BSN: variants seen among roughly 807,000 people sequenced by gnomAD.
BSN encodes protein bassoon.
BSN carries 57 observed loss-of-function variants against 264.8 expected under a neutral mutation model. That is an observed-to-expected ratio of 0.22 (90% CI 0.17 to 0.27). BSN has a LOEUF of 0.27. BSN is among the 10% of genes least tolerant of loss of function. The probability of loss-of-function intolerance (pLI) is 1.00; values close to 1 mark genes in which losing one functional copy is unlikely to be tolerated. For synonymous variants in BSN, 2,059 were observed against 2,137.3 expected (o/e 0.96, Z 1.01); for missense variants, 4,615 against 5,232.5 (o/e 0.88, Z 3.64).
chr3:49,602,249 C>G (rs2052077637), intron 1 of BSN, among the ~76,000 whole-genome samples: 1 of 152,200 alleles, frequency 6.6e-6, no homozygotes, highest in Non-Finnish European at 1.5e-5. Flanking sequence ...ATGCTCTCCT[C>G]TGTGTCCCTG....
intron 1 of BSN, among the ~76,000 whole-genome samples, chr3:49,582,446 A>G (rs1185659376): frequency 1.3e-5 from 2 of 152,176 alleles, no homozygotes; most frequent in Non-Finnish European, 2.9e-5. Context: ...AGGAACTGGA[A>G]CTACAGGCCC....
intron 1 of BSN, among the ~76,000 whole-genome samples, chr3:49,599,988 C>T (rs190092721): frequency 6.6e-6 from 1 of 152,288 alleles, no homozygotes; most frequent in Non-Finnish European, 1.5e-5. Context: ...AGGCCCTGGC[C>T]TGCTTCTGGG....
chr3:49,614,102 C>T (rs1435148801), intron 1 of BSN, among the ~76,000 whole-genome samples: 2 of 148,484 alleles, frequency 1.3e-5, no homozygotes, highest in Non-Finnish European at 3.0e-5. Context: ...CTCTGTCGCC[C>T]AGGCCAGAGT....
chr3:49,614,093 T>C (rs1488302553), intron 1 of BSN, among the ~76,000 whole-genome samples: 1 of 133,930 alleles, frequency 7.5e-6, no homozygotes, highest in African/African-American at 2.8e-5. Flanking sequence ...GGAGTCTCGC[T>C]CTGTCGCCCA....
intron 3 of BSN, among the ~76,000 whole-genome samples, chr3:49,649,562 C>A (rs1039847493): frequency 1.3e-5 from 2 of 152,200 alleles, no homozygotes; most frequent in Non-Finnish European, 2.9e-5. Context: ...CAGCCTCAGA[C>A]CTGCTGCAGG....
intron 1 of BSN, among the ~76,000 whole-genome samples, chr3:49,574,492 G>C (rs2051825499): frequency 6.6e-6 from 1 of 151,900 alleles, no homozygotes; most frequent in Admixed American, 6.6e-5. Flanking sequence ...GGAGTGCAAT[G>C]GCGTGGTCTC....
In BSN at chr3:49,657,765, C is replaced by G; in HGVS notation, c.8209C>G (p.Pro2737Ala). 1 of 1,553,120 alleles carries G rather than the reference C, an allele frequency of 6.4e-7. No individual in the cohort carries two copies. Among genetic ancestry groups the G allele is most frequent in the Non-Finnish European group, 8.7e-7 (1 of 1,147,754 alleles). The change falls in exon 5 of 12, where the codon CCA becomes GCA. Residue 2737 changes from proline (P) to alanine (A), a missense_variant. Pro to Ala is a conservative substitution (Grantham distance 27, BLOSUM62 -1). Transcript: ENST00000296452. ...QGVAGPQLVGPTAISPYLPGI... is the reference protein window; with the variant it reads ...QGVAGPQLVGATAISPYLPGI... ...TGTAGCCGGGCCGCAGCTTGTAGGG[C>G]CAACTGCCATCAGCCCCTACCTGCC...
intron 3 of BSN, 90 bp from the exon 4 acceptor site, chr3:49,650,522 C>G (rs2052532441): frequency 6.2e-6 from 8 of 1,285,238 alleles, no homozygotes; most frequent in African/African-American, 1.5e-5. Context: ...TCTCTCCTCC[C>G]TAAGGTTACA....
At chr3:49,635,431 T>C (rs896394105) in intron 2 of BSN, among the ~76,000 whole-genome samples, 2 of 152,120 alleles carry the variant, frequency 1.3e-5, no homozygotes, top group Non-Finnish European at 2.9e-5. Context: ...ACAGGAGCTC[T>C]TGATGCCTTG....
At chr3:49,627,154 G>A (rs1246030361) in intron 2 of BSN, among the ~76,000 whole-genome samples, 1 of 152,222 alleles carries the variant, frequency 6.6e-6, no homozygotes, top group South Asian at 2.1e-4. Flanking sequence ...CAAATGAAAT[G>A]TTTCTTTGCT....
intron 2 of BSN, among the ~76,000 whole-genome samples, chr3:49,639,326 G>A (rs1448550761): frequency 6.6e-5 from 10 of 151,046 alleles, no homozygotes; most frequent in Non-Finnish European, 1.5e-5. Context: ...AGCCTCCCAA[G>A]TAGCTGGGAC....
intron 1 of BSN, among the ~76,000 whole-genome samples, chr3:49,558,754 C>T (rs984430429): frequency 3.9e-5 from 6 of 152,064 alleles, no homozygotes; most frequent in South Asian, 2.1e-4. Context: ...TGAATGGTGA[C>T]GATGTCAAAA....
At chr3:49,558,063 A>G (rs1357180034) in intron 1 of BSN, among the ~76,000 whole-genome samples, 2 of 152,208 alleles carry the variant, frequency 1.3e-5, no homozygotes, top group Non-Finnish European at 2.9e-5. Context: ...GAAGAACCCT[A>G]AGAGAGACAC....
At chr3:49,563,823 G>A (rs1259625130) in intron 1 of BSN, among the ~76,000 whole-genome samples, 1 of 152,164 alleles carries the variant, frequency 6.6e-6, no homozygotes, top group East Asian at 1.9e-4. Flanking sequence ...CAAGATCAGT[G>A]GCCTTTGGTT....
chr3:49,663,597 T>C lies in BSN; in HGVS notation c.11439T>C (p.Ala3813=), dbSNP rs1396327203. The C allele has an allele frequency of 1.9e-6, 3 of 1,607,552 alleles. No individual in the cohort carries two copies. The highest frequency in any genetic ancestry group is 4.5e-5 in the East Asian group (2 of 44,690). The stretch of plus-strand genomic sequence containing the variant: ...CAACCACCCGGGGCTCAGCCCCTGC[T>C]GCCAGCCAGCCTGCAGGGAAGCCTC... ...SQPTTRGSAP[A]ASQPAGKPQP... The change falls in exon 7 of 12, where the codon GCT becomes GCC. Residue 3813 remains alanine (A), a synonymous_variant. Coordinates refer to ENST00000296452, the MANE Select transcript of BSN (RefSeq NM_003458.4).
Position 49,609,224 on chromosome 3 carries a change from C to G in BSN, c.225-15751C>G, listed in dbSNP as rs373589997. Among the ~76,000 whole-genome samples, 21 of 150,566 alleles carry G rather than the reference C, an allele frequency of 1.4e-4. No homozygotes were observed. In the East Asian group the frequency reaches 3.5e-3, roughly 25 times the overall value. On this transcript the variant is annotated intron_variant, in intron 1 of 11. Coordinates refer to ENST00000296452, the MANE Select transcript of BSN (RefSeq NM_003458.4). ...TCAAGGGATCCATTTGCCTCAGGCT[C>G]TCAAGAAGCTGGGACCACAGGCACA...
chr3:49,610,598 A>C (rs200685406), intron 1 of BSN, among the ~76,000 whole-genome samples: 4 of 151,570 alleles, frequency 2.6e-5, no homozygotes, highest in African/African-American at 7.3e-5. Context: ...AAAAAAAAAA[A>C]AAAAAAAACA....
At chr3:49,649,332 G>A (rs1405506021) in intron 3 of BSN, among the ~76,000 whole-genome samples, 4 of 152,244 alleles carry the variant, frequency 2.6e-5, no homozygotes, top group African/African-American at 9.7e-5. Flanking sequence ...GTGGGAGCCT[G>A]TATGTCCAGG....
Position 49,642,986 on chromosome 3 carries a change from C to T in BSN, c.1352C>T (p.Ala451Val), listed in dbSNP as rs764934267. 6.2e-7 allele frequency: 1 copy of T among 1,613,926 alleles called. No individual in the cohort carries two copies. Among genetic ancestry groups the T allele is most frequent in the Non-Finnish European group, 8.5e-7 (1 of 1,180,042 alleles). The change falls in exon 3 of 12, where the codon GCT becomes GTT. Residue 451 changes from alanine to valine, a missense_variant. Transcript: ENST00000296452. This position sits in a 1 kb window ranked among gnomAD's most constrained non-coding sequence, Gnocchi z 7.0. ...GRAEHQAASK[A>V]AAKPKTMPKE... is the part of the protein sequence containing the mutation. Reference sequence around the variant, plus strand: ...GCAGAACATCAGGCAGCATCGAAGGCTGCTGCCAAGCCAAAGACCATGCCG... The same window carrying T: ...GCAGAACATCAGGCAGCATCGAAGGTTGCTGCCAAGCCAAAGACCATGCCG...
Sources: allele counts gnomAD v4.1 joint callset (sites outside exome capture counted in the v4.1 genomes callset), GRCh38; gene constraint gnomAD v4.1.1; non-coding constraint Gnocchi (gnomAD v3.1); transcripts MANE v1.5; gene names NCBI Gene and HGNC (gene_info 2026-07-23, HGNC 2026-07-21).